Variants in COX7B2 observed in about 807,000 individuals in gnomAD.
The protein encoded by COX7B2 is cytochrome c oxidase subunit 7B2, mitochondrial.
For missense variants in COX7B2, 109 were observed against 95.9 expected, an observed-to-expected ratio of 1.14 and a Z score of -0.57; for synonymous variants, 37 against 32.1, an observed-to-expected ratio of 1.15 and a Z score of -0.51.
intron 2 of COX7B2, among the ~76,000 whole-genome samples, chr4:46,740,877 T>C (rs2109398552): frequency 6.6e-6 from 1 of 152,246 alleles, no homozygotes; most frequent in Middle Eastern, 3.4e-3. Flanking sequence ...TGCTGATTTC[T>C]GTTCAAAATC....
At chr4:46,818,246 G>T (rs908507618) in intron 2 of COX7B2, among the ~76,000 whole-genome samples, 3 of 152,148 alleles carry the variant, frequency 2.0e-5, no homozygotes. Context: ...TCCAGCAGAA[G>T]GTGGGAAGGG....
intron 2 of COX7B2, among the ~76,000 whole-genome samples, chr4:46,841,148 T>C (rs1045218109): frequency 2.0e-5 from 3 of 151,974 alleles, no homozygotes; most frequent in African/African-American, 7.2e-5. Flanking sequence ...TATTTTAACC[T>C]GATATTAGTT....
intron 1 of COX7B2, among the ~76,000 whole-genome samples, chr4:46,861,004 T>A (rs1436382109): frequency 1.3e-5 from 2 of 152,214 alleles, no homozygotes; most frequent in African/African-American, 4.8e-5. Context: ...CATTTGGTCC[T>A]GTTGGCTACC....
intron 2 of COX7B2, among the ~76,000 whole-genome samples, chr4:46,806,482 T>C (rs946173953): frequency 5.9e-5 from 9 of 152,136 alleles, no homozygotes; most frequent in Non-Finnish European, 1.2e-4. Flanking sequence ...AAAAGGTTAC[T>C]ATAGTGAAGC....
At chr4:46,881,904 G>A (rs1244732043) in intron 1 of COX7B2, among the ~76,000 whole-genome samples, 1 of 152,030 alleles carries the variant, frequency 6.6e-6, no homozygotes, top group Non-Finnish European at 1.5e-5. Context: ...TTAACCTGAG[G>A]TCTTTCTAAC....
chr4:46,858,286 G>A (rs1560423179), intron 1 of COX7B2, among the ~76,000 whole-genome samples: 3 of 151,986 alleles, frequency 2.0e-5, no homozygotes, highest in Admixed American at 2.0e-4. Context: ...TAGAGATGGG[G>A]GGGTTCGCCA....
intron 2 of COX7B2, among the ~76,000 whole-genome samples, chr4:46,807,486 T>C (rs1719063976): frequency 1.3e-5 from 2 of 151,940 alleles, no homozygotes; most frequent in Non-Finnish European, 2.9e-5. Context: ...CTATTTTCTT[T>C]GCTATACAGG....
chr4:46,853,096 G>A (rs960620657), intron 1 of COX7B2, among the ~76,000 whole-genome samples: 1 of 152,074 alleles, frequency 6.6e-6, no homozygotes, highest in African/African-American at 2.4e-5. Context: ...GTTATGCATT[G>A]ATTGATTGAT....
intron 1 of COX7B2, among the ~76,000 whole-genome samples, chr4:46,887,887 G>T (rs1354017299): frequency 2.6e-5 from 4 of 152,020 alleles, no homozygotes; most frequent in African/African-American, 9.7e-5. Flanking sequence ...TTGGGAGTTG[G>T]CCATGGATTC....
At chr4:46,809,766 A>G (rs1346988291) in intron 2 of COX7B2, among the ~76,000 whole-genome samples, 1 of 151,934 alleles carries the variant, frequency 6.6e-6, no homozygotes, top group Non-Finnish European at 1.5e-5. Flanking sequence ...TGCTAAGTCC[A>G]TTTGGTCAAA....
At chr4:46,831,436 G>A (rs997640846) in intron 2 of COX7B2, among the ~76,000 whole-genome samples, 7 of 152,178 alleles carry the variant, frequency 4.6e-5, no homozygotes, top group African/African-American at 1.2e-4. Context: ...GAGTGCGGGC[G>A]CATGGCACGG....
At chr4:46,780,509 T>A (rs924102192) in intron 2 of COX7B2, among the ~76,000 whole-genome samples, 2 of 152,140 alleles carry the variant, frequency 1.3e-5, no homozygotes, top group African/African-American at 4.8e-5. Flanking sequence ...AGAGAGAGAC[T>A]ACGTCTCAAA....
intron 1 of COX7B2, among the ~76,000 whole-genome samples, chr4:46,893,830 T>C (rs1719588432): frequency 6.6e-6 from 1 of 152,026 alleles, no homozygotes; most frequent in African/African-American, 2.4e-5. Context: ...GTATATAGTT[T>C]TAAAAAATGT....
At chr4:46,906,619 A>G (rs13112436) in intron 1 of COX7B2, among the ~76,000 whole-genome samples, 36,935 of 151,964 alleles carry the variant, frequency 0.24, 4,686 homozygotes, top group East Asian at 0.29. Flanking sequence ...TTTTTTTCTA[A>G]GCATTAGTTT....
chr4:46,760,733 C>A (rs577253573), intron 2 of COX7B2, among the ~76,000 whole-genome samples: 16 of 152,058 alleles, frequency 1.1e-4, no homozygotes, highest in African/African-American at 2.9e-4. Flanking sequence ...AGACTAAAAG[C>A]AAAACCAAAT....
At chr4:46,826,468 TCAAA>T (rs555410738) in intron 2 of COX7B2, among the ~76,000 whole-genome samples, 48 of 152,224 alleles carry the variant, frequency 3.2e-4, no homozygotes, top group African/African-American at 1.1e-3. Flanking sequence ...TGGCAATTCC[TCAAA>T]CAGCCACAAG....
At chr4:46,856,075 C>T (rs549238486) in intron 1 of COX7B2, among the ~76,000 whole-genome samples, 17 of 152,018 alleles carry the variant, frequency 1.1e-4, no homozygotes, top group Admixed American at 9.8e-4. Context: ...GAAACCCCGT[C>T]TCTACTAGAA....
At chr4:46,886,429 A>C (rs961812862) in intron 1 of COX7B2, among the ~76,000 whole-genome samples, 1 of 152,178 alleles carries the variant, frequency 6.6e-6, no homozygotes, top group African/African-American at 2.4e-5. Flanking sequence ...ACCTGATTTG[A>C]AGTATACAAT....
intron 2 of COX7B2, among the ~76,000 whole-genome samples, chr4:46,801,970 A>G (rs778838377): frequency 3.3e-5 from 5 of 152,150 alleles, no homozygotes; most frequent in Non-Finnish European, 7.4e-5. Context: ...CACTCTCAGG[A>G]AAGTGAGGCC....
Sources: gnomAD v4.1 joint callset for allele counts (sites outside exome capture counted in the v4.1 genomes callset) on GRCh38, gnomAD v4.1.1 for gene constraint, MANE v1.5 for transcripts, NCBI Gene and HGNC (gene_info 2026-07-23, HGNC 2026-07-21) for gene names.